The following EPHA6 variants were observed in gnomAD, a reference collection of about 807,000 sequenced individuals.
EPHA6 encodes the protein EPH receptor A6, also known as ephrin type-A receptor 6.
A neutral mutation model predicts 112.0 loss-of-function variants in EPHA6; 50 were observed. The ratio of observed to expected loss-of-function variants is 0.45; its 90% CI spans 0.36 to 0.56. EPHA6 has a LOEUF of 0.56. Among genes scored for constraint, EPHA6 ranks in the 20% least tolerant of loss-of-function variants. The pLI, the probability that EPHA6 is intolerant of heterozygous loss-of-function variation, is 0.00. For synonymous variants in EPHA6, 529 were observed against 490.7 expected (o/e 1.08, Z -1.03); for missense variants, 1,280 against 1,417.4 (o/e 0.90, Z 1.56).
intron 11 of EPHA6, among the ~76,000 whole-genome samples, chr3:97,560,169 AG>A (rs1266682310): frequency 1.5e-4 from 23 of 151,948 alleles, no homozygotes; most frequent in African/African-American, 5.6e-4. Context: ...TAAAAAAAAA[AG>A]AATCCATGGA....
intron 8 of EPHA6, among the ~76,000 whole-genome samples, chr3:97,477,813 C>G (rs571428815): frequency 7.5e-6 from 1 of 133,926 alleles, no homozygotes; most frequent in Non-Finnish European, 1.6e-5. Context: ...TGCTTTGGAG[C>G]CCAGAAAGTT....
At chr3:96,832,069 G>A (rs1313687341) in intron 1 of EPHA6, among the ~76,000 whole-genome samples, 1 of 152,022 alleles carries the variant, frequency 6.6e-6, no homozygotes, top group Non-Finnish European at 1.5e-5. Context: ...ATGACTCGAC[G>A]CTATGTGGGA....
intron 7 of EPHA6, among the ~76,000 whole-genome samples, chr3:97,461,066 G>A (rs2090872085): frequency 6.6e-6 from 1 of 152,164 alleles, no homozygotes; most frequent in Non-Finnish European, 1.5e-5. Context: ...ATCATTCGAA[G>A]TTAACTATCA....
intron 3 of EPHA6, among the ~76,000 whole-genome samples, chr3:97,008,965 T>G (rs943709771): frequency 2.0e-5 from 3 of 152,130 alleles, no homozygotes; most frequent in Non-Finnish European, 4.4e-5. Flanking sequence ...GAGATACCAT[T>G]CATGGAGGCT....
chr3:97,634,261 A>G (rs2093927312), intron 13 of EPHA6, among the ~76,000 whole-genome samples: 1 of 152,110 alleles, frequency 6.6e-6, no homozygotes, highest in Non-Finnish European at 1.5e-5. Context: ...TAAAAACCTT[A>G]GTCTGGGACT....
At chr3:96,879,562 A>G (rs948008691) in intron 2 of EPHA6, among the ~76,000 whole-genome samples, 2 of 152,144 alleles carry the variant, frequency 1.3e-5, no homozygotes, top group African/African-American at 4.8e-5. Context: ...GGTTACAATA[A>G]TATTGCATAT....
intron 3 of EPHA6, among the ~76,000 whole-genome samples, chr3:97,145,790 T>C (rs1267241081): frequency 6.6e-6 from 1 of 151,722 alleles, no homozygotes; most frequent in Non-Finnish European, 1.5e-5. Context: ...TTTGTATTTT[T>C]ACAAAGTGTT....
intron 2 of EPHA6, among the ~76,000 whole-genome samples, chr3:96,902,134 C>T (rs549068394): frequency 1.3e-5 from 2 of 152,054 alleles, no homozygotes; most frequent in African/African-American, 2.4e-5. Context: ...AGGACAAGGA[C>T]GATGGAGACT....
At chr3:97,674,741 A>T (rs1218469134) in intron 14 of EPHA6, among the ~76,000 whole-genome samples, 1 of 152,218 alleles carries the variant, frequency 6.6e-6, no homozygotes, top group African/African-American at 2.4e-5. Context: ...TAAGGCAAGC[A>T]TTGTGCTTGT....
At chr3:96,839,466 A>G (rs1222033068) in intron 1 of EPHA6, among the ~76,000 whole-genome samples, 2 of 152,110 alleles carry the variant, frequency 1.3e-5, no homozygotes, top group Admixed American at 1.3e-4. Flanking sequence ...ATTGTCTTCC[A>G]TGAAACTGGT....
intron 3 of EPHA6, among the ~76,000 whole-genome samples, chr3:97,026,310 G>A (rs1342549915): frequency 1.3e-5 from 2 of 151,968 alleles, no homozygotes; most frequent in Admixed American, 1.3e-4. Context: ...TGTGAAGAAT[G>A]TTAATGATAG....
intron 6 of EPHA6, among the ~76,000 whole-genome samples, chr3:97,445,701 A>T (rs1231971224): frequency 2.6e-5 from 4 of 151,940 alleles, no homozygotes; most frequent in African/African-American, 9.7e-5. Flanking sequence ...AATGTAATAG[A>T]TTAAAAAAAA....
intron 5 of EPHA6, among the ~76,000 whole-genome samples, chr3:97,333,833 G>A (rs774834609): frequency 2.0e-5 from 3 of 151,872 alleles, no homozygotes; most frequent in Non-Finnish European, 4.4e-5. Context: ...AGAAATTCCA[G>A]TACTACATTG....
chr3:97,515,402 A>G (rs1377759241), intron 10 of EPHA6, among the ~76,000 whole-genome samples: 1 of 152,208 alleles, frequency 6.6e-6, no homozygotes, highest in Non-Finnish European at 1.5e-5. Context: ...GATAAAGGAA[A>G]CTGAGATTCG....
chr3:97,668,582 A>G (rs543940589), intron 14 of EPHA6, among the ~76,000 whole-genome samples: 1 of 152,164 alleles, frequency 6.6e-6, no homozygotes, highest in Non-Finnish European at 1.5e-5. Context: ...AATTCCACCA[A>G]TGAAGGCCCA....
chr3:96,940,425 G>A (rs1402434478), intron 2 of EPHA6, among the ~76,000 whole-genome samples: 2 of 152,076 alleles, frequency 1.3e-5, no homozygotes, highest in Non-Finnish European at 2.9e-5. Context: ...TGCAACCCCT[G>A]CCTTTTTTTG....
At chr3:97,628,286 C>A (rs2093875351) in intron 13 of EPHA6, among the ~76,000 whole-genome samples, 1 of 151,802 alleles carries the variant, frequency 6.6e-6, no homozygotes, top group Non-Finnish European at 1.5e-5. Flanking sequence ...GGATAAAGTG[C>A]ATAAAAGAAA....
At chr3:97,057,810 C>T (rs946510092) in intron 3 of EPHA6, among the ~76,000 whole-genome samples, 3 of 152,120 alleles carry the variant, frequency 2.0e-5, no homozygotes, top group Non-Finnish European at 4.4e-5. Flanking sequence ...TTTCTAAGAA[C>T]AGAGGGGAGA....
intron 11 of EPHA6, among the ~76,000 whole-genome samples, chr3:97,568,248 A>G (rs2093292796): frequency 6.6e-6 from 1 of 152,218 alleles, no homozygotes; most frequent in Admixed American, 6.5e-5. Context: ...AAATTACATC[A>G]ATCATCATTT....
Sources: gnomAD v4.1 joint callset for allele counts (sites outside exome capture counted in the v4.1 genomes callset) on GRCh38, gnomAD v4.1.1 for gene constraint, MANE v1.5 for transcripts, NCBI Gene and HGNC (gene_info 2026-07-23, HGNC 2026-07-21) for gene names.